STXBP4: variants seen among roughly 807,000 people sequenced by gnomAD.
The protein encoded by STXBP4 is syntaxin-binding protein 4.
In STXBP4, 55 loss-of-function variants were observed where a neutral mutation model predicts 76.1. The observed-to-expected ratio is 0.72, with a 90% CI of 0.58 to 0.91. The LOEUF (loss-of-function observed/expected upper bound fraction) is 0.91, where lower values mean the gene tolerates loss of function less well. Among genes scored for constraint, STXBP4 ranks in the 40% least tolerant of loss-of-function variants. The probability of loss-of-function intolerance (pLI) is 0.00; values close to 1 mark genes in which losing one functional copy is unlikely to be tolerated. For missense variants in STXBP4, 618 were observed against 636.9 expected (o/e 0.97, Z 0.32); for synonymous variants, 201 against 220.2 (o/e 0.91, Z 0.77).
intron 4 of STXBP4, among the ~76,000 whole-genome samples, chr17:54,998,472 A>G (rs1253663186): frequency 6.6e-6 from 1 of 152,202 alleles, no homozygotes; most frequent in Non-Finnish European, 1.5e-5. Context: ...ATATCTAACA[A>G]CCACATTAAC....
the STXBP4 span, among the ~76,000 whole-genome samples, chr17:55,200,017 C>T: frequency 6.6e-6 from 1 of 152,248 alleles, no homozygotes; most frequent in Admixed American, 6.5e-5. Flanking sequence ...CTAGCCCCAC[C>T]TTCCCTCCTG....
At chr17:55,124,112 T>C (rs1425689023) in intron 16 of STXBP4, among the ~76,000 whole-genome samples, 3 of 152,050 alleles carry the variant, frequency 2.0e-5, no homozygotes, top group African/African-American at 4.8e-5. Flanking sequence ...ATCAAGGGTG[T>C]TTAGGTAAAA....
chr17:55,080,397 G>A (rs1010274656), intron 15 of STXBP4, among the ~76,000 whole-genome samples: 3 of 152,190 alleles, frequency 2.0e-5, no homozygotes, highest in Admixed American at 2.0e-4. Flanking sequence ...ATATCATTAT[G>A]CTTAGGAAGA....
chr17:54,984,819 A>G (rs17817382), intron 1 of STXBP4, among the ~76,000 whole-genome samples: 24,293 of 152,104 alleles, frequency 0.16, 2,529 homozygotes, highest in East Asian at 0.51. Context: ...GTGTGCTCAG[A>G]CTTAAAAAAT....
At chr17:55,116,787 A>G (rs144666585) in intron 16 of STXBP4, among the ~76,000 whole-genome samples, 1 of 151,862 alleles carries the variant, frequency 6.6e-6, no homozygotes, top group African/African-American at 2.4e-5. Context: ...CTCTCCTGTT[A>G]TAGCAGGGCT....
chr17:55,197,113 T>C, the STXBP4 span, among the ~76,000 whole-genome samples: 1 of 152,170 alleles, frequency 6.6e-6, no homozygotes, highest in Non-Finnish European at 1.5e-5. Flanking sequence ...TTAAAACAAT[T>C]AGGCACCTCA....
intron 4 of STXBP4, among the ~76,000 whole-genome samples, chr17:54,998,810 A>G (rs2077857498): frequency 6.6e-6 from 1 of 151,292 alleles, no homozygotes; most frequent in Non-Finnish European, 1.5e-5. Context: ...ATGTAATGAG[A>G]CCTCATCTCT....
At chr17:55,080,649 A>G (rs1436196480) in intron 15 of STXBP4, among the ~76,000 whole-genome samples, 1 of 152,106 alleles carries the variant, frequency 6.6e-6, no homozygotes, top group African/African-American at 2.4e-5. Context: ...TTTATATTTA[A>G]TATTACTAGA....
chr17:55,125,293 G>A (rs1482115815), intron 16 of STXBP4, among the ~76,000 whole-genome samples: 1 of 151,868 alleles, frequency 6.6e-6, no homozygotes, highest in East Asian at 1.9e-4. Context: ...TGACTCTATG[G>A]CAAAGCTCTG....
At chr17:54,969,327 C>G (rs1369523701) in intron 1 of STXBP4, among the ~76,000 whole-genome samples, 1 of 152,196 alleles carries the variant, frequency 6.6e-6, no homozygotes, top group Admixed American at 6.5e-5. Flanking sequence ...GATGTAATAG[C>G]TTTCTTCAGT....
At chr17:55,016,407 C>G (rs1211010757) in intron 8 of STXBP4, among the ~76,000 whole-genome samples, 1 of 152,082 alleles carries the variant, frequency 6.6e-6, no homozygotes, top group Non-Finnish European at 1.5e-5. Flanking sequence ...CCCAGCTGCC[C>G]CATCAAGATG....
chr17:55,138,879 G>A (rs2080064477), intron 16 of STXBP4, among the ~76,000 whole-genome samples: 1 of 151,974 alleles, frequency 6.6e-6, no homozygotes, highest in African/African-American at 2.4e-5. Flanking sequence ...GACAGTGATT[G>A]TTTTCTATTA....
intron 16 of STXBP4, among the ~76,000 whole-genome samples, chr17:55,130,863 G>A (rs1372009068): frequency 6.6e-6 from 1 of 152,148 alleles, no homozygotes; most frequent in Non-Finnish European, 1.5e-5. Flanking sequence ...CTTTCCTGAG[G>A]CTGACAAGAT....
chr17:55,082,072 A>C (rs2079262602), intron 16 of STXBP4, among the ~76,000 whole-genome samples: 1 of 152,160 alleles, frequency 6.6e-6, no homozygotes, highest in African/African-American at 2.4e-5. Flanking sequence ...AAAATCAACA[A>C]TGTGCTAATG....
intron 8 of STXBP4, among the ~76,000 whole-genome samples, chr17:55,018,691 G>A (rs974236556): frequency 1.3e-5 from 2 of 152,156 alleles, no homozygotes; most frequent in Admixed American, 1.3e-4. Context: ...AGGCGGTGGA[G>A]TTAAGAGCAA....
chr17:55,198,930 A>G, the STXBP4 span, among the ~76,000 whole-genome samples: 1 of 152,304 alleles, frequency 6.6e-6, no homozygotes, highest in South Asian at 2.1e-4. Flanking sequence ...CAACTCCACC[A>G]ATTCACTCTT....
chr17:54,985,758 G>A (rs76882059), intron 2 of STXBP4, 67 bp downstream of exon 2: 3,256 of 153,132 alleles, frequency 0.021, 96 homozygotes, highest in African/African-American at 0.075. Flanking sequence ...TATAAGCTTC[G>A]TAGCCTTGTA....
chr17:55,041,964 T>C (rs954871139), intron 10 of STXBP4, among the ~76,000 whole-genome samples: 9 of 152,052 alleles, frequency 5.9e-5, no homozygotes, highest in African/African-American at 2.2e-4. Flanking sequence ...TTCTTATGAG[T>C]GTTTGTGTTG....
the STXBP4 span, among the ~76,000 whole-genome samples, chr17:55,212,510 A>AT: frequency 6.6e-6 from 1 of 152,148 alleles, no homozygotes; most frequent in South Asian, 2.1e-4. Context: ...TATTTATAAT[A>AT]TTTAGTCATC....
Sources: gnomAD v4.1 joint callset for allele counts (sites outside exome capture counted in the v4.1 genomes callset) on GRCh38, gnomAD v4.1.1 for gene constraint, MANE v1.5 for transcripts, NCBI Gene and HGNC (gene_info 2026-07-23, HGNC 2026-07-21) for gene names.